Variants in ARHGEF4 observed in about 807,000 individuals in gnomAD.
ARHGEF4 encodes the protein APC-stimulated guanine nucleotide exchange factor 1.
A neutral mutation model predicts 162.0 loss-of-function variants in ARHGEF4; 119 were observed. The observed-to-expected ratio is 0.73, with a 90% CI of 0.63 to 0.86. The LOEUF is 0.86. Among genes scored for constraint, ARHGEF4 ranks in the 40% least tolerant of loss-of-function variants. The pLI, the probability that ARHGEF4 is intolerant of heterozygous loss-of-function variation, is 0.00. For synonymous variants in ARHGEF4, 1,014 were observed against 979.9 expected (o/e 1.03, Z -0.65); for missense variants, 2,488 against 2,456.0 (o/e 1.01, Z -0.28).
intron 3 of ARHGEF4, among the ~76,000 whole-genome samples, chr2:130,931,468 A>G (rs1468832811): frequency 6.6e-6 from 1 of 152,164 alleles, no homozygotes; most frequent in Non-Finnish European, 1.5e-5. Flanking sequence ...CATTCCCCAG[A>G]GCCACAGAAG....
chr2:131,000,187 G>C (rs1039480959), intron 4 of ARHGEF4, among the ~76,000 whole-genome samples: 24 of 152,132 alleles, frequency 1.6e-4, no homozygotes, highest in Non-Finnish European at 2.9e-4. Context: ...TGCTTTTTCA[G>C]CCTTCATTAT....
intron 1 of ARHGEF4, among the ~76,000 whole-genome samples, chr2:130,904,302 G>A (rs1016494265): frequency 3.9e-5 from 6 of 152,092 alleles, no homozygotes; most frequent in African/African-American, 1.4e-4. Flanking sequence ...CTTGATATGA[G>A]GAGTAATTTT....
intron 1 of ARHGEF4, among the ~76,000 whole-genome samples, chr2:130,884,233 C>T (rs759080864): frequency 6.6e-6 from 1 of 151,684 alleles, no homozygotes; most frequent in East Asian, 1.9e-4. Flanking sequence ...TCAATTTATA[C>T]ACACACACAC....
chr2:130,946,592 G>A lies in ARHGEF4; in HGVS notation c.3942G>A (p.Thr1314=), dbSNP rs776967213. Reference sequence around the variant, plus strand: ...ATCCACTCTCCCAGAGTGCTCCAACGGGACTGAACCACATGGGCTGGCCAG... The same window carrying A: ...ATCCACTCTCCCAGAGTGCTCCAACAGGACTGAACCACATGGGCTGGCCAG... ...RSHPLSQSAP[T]GLNHMGWPEH... is the part of the protein sequence containing the mutation. The change falls in exon 4 of 14, where the codon ACG becomes ACA. Residue 1314 remains threonine (T), a synonymous_variant. Transcript: ENST00000409359. 2.0e-5 allele frequency: 33 copies of A among 1,613,916 alleles called. No individual in the cohort carries two copies. Among genetic ancestry groups the A allele is most frequent in the African/African-American group, 5.3e-5 (4 of 74,904 alleles).
intron 1 of ARHGEF4, among the ~76,000 whole-genome samples, chr2:130,901,757 G>A (rs899164701): frequency 6.6e-6 from 1 of 152,158 alleles, no homozygotes; most frequent in Non-Finnish European, 1.5e-5. Context: ...CTGACCTCAG[G>A]TGATCTGCCT....
Position 130,916,026 on chromosome 2 carries a change from G to GC in ARHGEF4, c.2085dup (p.Ile696HisfsTer114), listed in dbSNP as rs1449540306. On this transcript the variant is annotated frameshift_variant, in exon 2 of 14. Transcript: ENST00000409359. LOFTEE classifies it high-confidence loss of function. Reference sequence around the variant, plus strand: ...CGGTAATGAGTGTGAGTTGCCAGCAGCCCCCATACAGGGAGCTGGCGATGG... The same window carrying GC: ...CGGTAATGAGTGTGAGTTGCCAGCAGCCCCCCATACAGGGAGCTGGCGATGG... 39 of 1,550,346 alleles carry GC rather than the reference G, an allele frequency of 2.5e-5. No homozygotes were observed. Among genetic ancestry groups the GC allele is most frequent in the Non-Finnish European group, 3.3e-5 (38 of 1,146,966 alleles).
intron 4 of ARHGEF4, among the ~76,000 whole-genome samples, chr2:131,019,327 G>A (rs780744905): frequency 2.0e-5 from 3 of 152,008 alleles, no homozygotes; most frequent in African/African-American, 4.8e-5. Flanking sequence ...CATGAGAATC[G>A]CTTGAACCCG....
At position 130,916,577 on chromosome 2, in the gene ARHGEF4, G is replaced by A; in HGVS notation, c.2631G>A (p.Thr877=). ...CAGGGCCGGCAGGAGCGGGGCACAC[G>A]GGGACCTCAGGGGATCTTGGTAGCC... ...RTAGPAGAGH[T]GTSGDLGSRG... The change falls in exon 2 of 14, where the codon ACG becomes ACA. Residue 877 remains threonine (T), a synonymous_variant. Coordinates refer to ENST00000409359, the MANE Select transcript of ARHGEF4 (RefSeq NM_001367493.1). The A allele has an allele frequency of 1.9e-6, 3 of 1,550,376 alleles. No individual in the cohort carries two copies. The highest frequency in any genetic ancestry group is 2.4e-5 in the South Asian group (2 of 84,052).
intron 4 of ARHGEF4, among the ~76,000 whole-genome samples, chr2:131,015,333 TG>T (rs1222655179): frequency 2.0e-5 from 3 of 152,070 alleles, no homozygotes; most frequent in Non-Finnish European, 4.4e-5. Flanking sequence ...AATCTGGAGC[TG>T]AGATGACTAA....
At chr2:130,954,149 G>A (rs923017010) in intron 4 of ARHGEF4, among the ~76,000 whole-genome samples, 13 of 152,190 alleles carry the variant, frequency 8.5e-5, no homozygotes, top group Admixed American at 3.3e-4. Flanking sequence ...ACTTGGAACC[G>A]ACCCAAATGT....
At chr2:130,995,888 CT>C (rs1184456550) in intron 4 of ARHGEF4, among the ~76,000 whole-genome samples, 4,890 of 136,832 alleles carry the variant, frequency 0.036, 158 homozygotes, top group African/African-American at 0.11. Context: ...TATTATTCAC[CT>C]TTTTTTTTTT....
Position 131,040,210 on chromosome 2 carries a change from G to A in ARHGEF4, c.4482+18G>A. The A allele has an allele frequency of 1.2e-6, 2 of 1,608,836 alleles. No individual in the cohort carries two copies. ...TCTGCGAGGTGAGGCCCGGCCGGCG[G>A]GCGGTGACTGGGGACCCGGTCGGGG... On this transcript the variant is annotated intron_variant, in intron 7 of 13. Transcript: ENST00000409359.
At chr2:130,837,690 C>T (rs747171242) in intron 1 of ARHGEF4, 5 of 437,466 alleles carry the variant, frequency 1.1e-5, no homozygotes, top group Non-Finnish European at 1.8e-5. Context: ...TTGCCAAGCC[C>T]GACCTCCCCA....
intron 4 of ARHGEF4, among the ~76,000 whole-genome samples, chr2:130,968,338 A>G (rs72994201): frequency 0.013 from 1,978 of 152,338 alleles, 36 homozygotes; most frequent in African/African-American, 0.044. Flanking sequence ...GGGGCAGGCC[A>G]GGAAGGAAAT....
intron 1 of ARHGEF4, among the ~76,000 whole-genome samples, chr2:130,839,353 A>G (rs1204898757): frequency 6.6e-6 from 1 of 152,152 alleles, no homozygotes; most frequent in Admixed American, 6.5e-5. Flanking sequence ...CTGGGCCAGA[A>G]AAGGCCACTT....
At position 131,046,150 on chromosome 2, in the gene ARHGEF4, C is replaced by T. The variant is rs1691244290; in HGVS notation, c.5592C>T (p.Phe1864=). The change falls in exon 14 of 14, where the codon TTC becomes TTT. Residue 1864 remains phenylalanine, a synonymous_variant. Transcript: ENST00000409359. ...LAEPRRKPST[F]WHSISRLAPF... ...AGCCCAGGCGCAAGCCATCTACCTT[C>T]TGGCACAGCATCAGCCGGCTGGCAC... The T allele has an allele frequency of 6.2e-7, 1 of 1,613,074 alleles. No individual in the cohort carries two copies. The highest frequency in any genetic ancestry group is 1.3e-5 in the African/African-American group (1 of 75,062).
chr2:130,924,300 C>G (rs753941176), intron 2 of ARHGEF4, among the ~76,000 whole-genome samples: 17 of 145,182 alleles, frequency 1.2e-4, no homozygotes, highest in Non-Finnish European at 1.5e-4. Flanking sequence ...TTTTTGAGAC[C>G]GAGTCTCACA....
intron 8 of ARHGEF4, among the ~76,000 whole-genome samples, chr2:131,040,767 C>T (rs1208547799): frequency 6.6e-6 from 1 of 152,200 alleles, no homozygotes; most frequent in East Asian, 1.9e-4. Flanking sequence ...GTTTCTCACA[C>T]AGGGAGAATT....
At chr2:130,949,102 CTTTGTTTTCCTGT>C (rs1683797394) in intron 4 of ARHGEF4, among the ~76,000 whole-genome samples, 1 of 152,126 alleles carries the variant, frequency 6.6e-6, no homozygotes, top group African/African-American at 2.4e-5. Flanking sequence ...TCATCTTCTG[CTTTGTTTTCCTGT>C]TTTGTTTTGT....
Sources: gnomAD v4.1 joint callset for allele counts (sites outside exome capture counted in the v4.1 genomes callset) on GRCh38, gnomAD v4.1.1 for gene constraint, MANE v1.5 for transcripts, NCBI Gene and HGNC (gene_info 2026-07-23, HGNC 2026-07-21) for gene names.